Variants in MKLN1 observed in about 807,000 individuals in gnomAD.
MKLN1 encodes the protein muskelin 1, also known as muskelin.
Under a neutral mutation model 99.0 loss-of-function variants are expected in MKLN1, and 18 were observed. That is an observed-to-expected ratio of 0.18 (90% CI 0.13 to 0.27). MKLN1 has a LOEUF of 0.27. Ranked by LOEUF, MKLN1 falls within the 10% of genes least tolerant of loss-of-function variation. The pLI is 1.00. For missense variants in MKLN1, 621 were observed against 875.9 expected (o/e 0.71, Z 3.67); for synonymous variants, 288 against 293.2 (o/e 0.98, Z 0.18).
chr7:131,389,691 C>T (rs1481765615), intron 4 of MKLN1, among the ~76,000 whole-genome samples: 1 of 151,708 alleles, frequency 6.6e-6, no homozygotes, highest in Non-Finnish European at 1.5e-5. Context: ...CAATTAAATC[C>T]TGGCTAACAT....
At position 131,493,773 on chromosome 7, in the gene MKLN1, C is replaced by G. The variant is rs1797482795; in HGVS notation, c.*6045C>G. On this transcript the variant is annotated 3_prime_UTR_variant, in exon 18 of 18. Coordinates refer to ENST00000352689, the MANE Select transcript of MKLN1 (RefSeq NM_013255.5). ...GCTCTTGCTGCAACATAGCTCTGTA[C>G]CATCTGGGATGCTAGCAGTCACAGC... The G allele has an allele frequency of 1.3e-5, 2 of 152,198 alleles. No individual in the cohort carries two copies. Among genetic ancestry groups the G allele is most frequent in the South Asian group, 4.1e-4 (2 of 4,828 alleles). 9.4% of individuals were successfully genotyped at this position (152,198 alleles called of 1,614,324 possible). A position where few individuals can be genotyped will look rare whatever the true frequency, so the allele number is the denominator to read the frequency against.
rs538652283 is a variant in MKLN1, at chr7:131,258,129, T to TA, written c.-179+55168dup. Among the ~76,000 whole-genome samples, 110 of 114,354 alleles carry TA rather than the reference T, an allele frequency of 9.6e-4. 1 individual carries two copies. Among genetic ancestry groups the TA allele is most frequent in the Admixed American group, 2.7e-3 (25 of 9,432 alleles). The allele number at this position is 114,354 out of a possible 152,430, so 75.0% of individuals were successfully genotyped here. ...GAGTGAGACTCTGTCTCAAAAAAAT[T>TA]AAAAAAAAAAAAAGCTCCTTTTTTT... On this transcript the variant is annotated intron_variant, in intron 3 of 7. Coordinates refer to the MKLN1 transcript ENST00000416992.
At chr7:131,356,507 G>C (rs1423993124) in intron 1 of MKLN1, among the ~76,000 whole-genome samples, 1 of 152,110 alleles carries the variant, frequency 6.6e-6, no homozygotes, top group African/African-American at 2.4e-5. Context: ...TTCTGTAACT[G>C]CTTCCTGCTG....
At chr7:131,123,496 T>C (rs1251890709) in intron 1 of MKLN1, among the ~76,000 whole-genome samples, 1 of 152,216 alleles carries the variant, frequency 6.6e-6, no homozygotes, top group Non-Finnish European at 1.5e-5. Context: ...GCCTGGGAAA[T>C]AGCAAGACCT....
intron 1 of MKLN1, among the ~76,000 whole-genome samples, chr7:131,142,598 G>A (rs1255257542): frequency 6.6e-6 from 1 of 151,688 alleles, no homozygotes; most frequent in African/African-American, 2.4e-5. Flanking sequence ...AGCTGGGCGT[G>A]TAGGCGGGCG....
chr7:131,408,108 G>A (rs1794762921), intron 6 of MKLN1, among the ~76,000 whole-genome samples: 1 of 152,022 alleles, frequency 6.6e-6, no homozygotes, highest in African/African-American at 2.4e-5. Context: ...ATATGAGAAT[G>A]ATTAATTTGC....
At chr7:131,352,568 G>T (rs1167089681) in intron 1 of MKLN1, among the ~76,000 whole-genome samples, 1 of 150,646 alleles carries the variant, frequency 6.6e-6, no homozygotes, top group Non-Finnish European at 1.5e-5. Context: ...TAATATAATT[G>T]CTTTGGGCCC....
At chr7:131,353,423 T>C (rs904551801) in intron 1 of MKLN1, among the ~76,000 whole-genome samples, 5 of 152,136 alleles carry the variant, frequency 3.3e-5, no homozygotes, top group African/African-American at 1.2e-4. Flanking sequence ...GTCTTACCTA[T>C]TTTCTGATTG....
intron 13 of MKLN1, 126 bp downstream of exon 13, chr7:131,463,490 T>C (rs897948673): frequency 1.3e-5 from 14 of 1,040,230 alleles, no homozygotes; most frequent in Non-Finnish European, 2.0e-5. Context: ...AAAGTCAGTA[T>C]TGGAAAAAAA....
rs189450188 is a variant in MKLN1, at chr7:131,249,874, C to T, written c.-179+46900C>T. On this transcript the variant is annotated intron_variant, in intron 3 of 7. Coordinates refer to the MKLN1 transcript ENST00000416992. The stretch of plus-strand genomic sequence containing the variant: ...CTCAGATTATAAGTGTCCTCTTGCC[C>T]GTCATGCTGGCAGGTCAGAATTCTA... 5.3e-3 allele frequency among the ~76,000 whole-genome samples: 800 copies of T among 152,160 alleles called. 8 individuals are homozygous for T. The highest frequency in any genetic ancestry group is 0.016 in the South Asian group (78 of 4,806).
At chr7:131,168,072 A>G (rs1337936828) in intron 2 of MKLN1, among the ~76,000 whole-genome samples, 1 of 152,224 alleles carries the variant, frequency 6.6e-6, no homozygotes, top group Non-Finnish European at 1.5e-5. Context: ...TTCTGTATTT[A>G]GGTTATATCC....
intron 6 of MKLN1, among the ~76,000 whole-genome samples, chr7:131,399,648 CACAT>C (rs372599984): frequency 2.4e-4 from 36 of 152,150 alleles, no homozygotes; most frequent in African/African-American, 8.7e-4. Flanking sequence ...TACTTGAACT[CACAT>C]ATAAATTTAA....
At chr7:131,348,283 T>C (rs1440812993) in intron 1 of MKLN1, among the ~76,000 whole-genome samples, 3 of 152,230 alleles carry the variant, frequency 2.0e-5, no homozygotes, top group Non-Finnish European at 4.4e-5. Context: ...TTGTGAATTT[T>C]ATGCGAACAG....
intron 3 of MKLN1, among the ~76,000 whole-genome samples, chr7:131,218,644 A>G (rs1444883150): frequency 1.3e-5 from 2 of 152,214 alleles, no homozygotes; most frequent in East Asian, 1.9e-4. Flanking sequence ...TGTGCATACA[A>G]TGGATTATTA....
intron 17 of MKLN1, among the ~76,000 whole-genome samples, chr7:131,482,413 C>A (rs1797150862): frequency 6.6e-6 from 1 of 151,940 alleles, no homozygotes; most frequent in Non-Finnish European, 1.5e-5. Context: ...CACTGTATTG[C>A]CCAGGTTTGT....
At chr7:131,464,963 A>C (rs1482529122) in intron 14 of MKLN1, among the ~76,000 whole-genome samples, 1 of 152,144 alleles carries the variant, frequency 6.6e-6, no homozygotes, top group Non-Finnish European at 1.5e-5. Flanking sequence ...CTTAGATTAC[A>C]TAGTAAATTA....
chr7:131,416,211 A>G (rs1351439498), intron 8 of MKLN1, among the ~76,000 whole-genome samples: 1 of 152,242 alleles, frequency 6.6e-6, no homozygotes. Flanking sequence ...ATATAAAAGT[A>G]ATATGGTTTA....
At chr7:131,278,422 A>T (rs1321826669) in intron 3 of MKLN1, among the ~76,000 whole-genome samples, 1 of 152,070 alleles carries the variant, frequency 6.6e-6, no homozygotes, top group Non-Finnish European at 1.5e-5. Flanking sequence ...TAGTTTAAGG[A>T]GGGGCCATAT....
At chr7:131,395,123 C>T (rs1295614514) in intron 4 of MKLN1, among the ~76,000 whole-genome samples, 1 of 152,052 alleles carries the variant, frequency 6.6e-6, no homozygotes, top group African/African-American at 2.4e-5. Flanking sequence ...CTCTTGAAAG[C>T]TTGGTTTTTA....
Sources: gnomAD v4.1 joint callset for allele counts (sites outside exome capture counted in the v4.1 genomes callset) on GRCh38, gnomAD v4.1.1 for gene constraint, MANE v1.5 for transcripts, NCBI Gene and HGNC (gene_info 2026-07-23, HGNC 2026-07-21) for gene names.